Variants in GLCCI1 observed in about 807,000 individuals in gnomAD.
The protein encoded by GLCCI1 is glucocorticoid-induced transcript 1 protein.
GLCCI1 carries 24 observed loss-of-function variants against 52.2 expected under a neutral mutation model. That is an observed-to-expected ratio of 0.46 (90% CI 0.33 to 0.65). The LOEUF (loss-of-function observed/expected upper bound fraction) is 0.65, where lower values mean the gene tolerates loss of function less well. Ranked by LOEUF, GLCCI1 falls within the 30% of genes least tolerant of loss-of-function variation. The probability of loss-of-function intolerance (pLI) is 0.02; values close to 1 mark genes in which losing one functional copy is unlikely to be tolerated. For missense variants in GLCCI1, 704 were observed against 701.5 expected (o/e 1.00, Z -0.04); for synonymous variants, 310 against 276.5 (o/e 1.12, Z -1.20).
rs114776242 is a variant in GLCCI1 at position 8,049,890 on chromosome 7, A to C, written c.697-5543A>C. Reference sequence around the variant, plus strand: ...GGTACTTTGTTTTTGAGTTTTTCTCATCTGCAGTATAAATTTGAGGCATCA... The same window carrying C: ...GGTACTTTGTTTTTGAGTTTTTCTCCTCTGCAGTATAAATTTGAGGCATCA... On this transcript the variant is annotated intron_variant, in intron 3 of 7. Coordinates refer to ENST00000223145, the MANE Select transcript of GLCCI1 (RefSeq NM_138426.4). 9.2e-3 allele frequency among the ~76,000 whole-genome samples: 1,403 copies of C among 152,332 alleles called. 25 individuals carry two copies. The highest frequency in any genetic ancestry group is 0.031 in the African/African-American group (1,302 of 41,578).
chr7:8,086,374 G>T lies in GLCCI1; in HGVS notation c.1480G>T (p.Val494Phe). The T allele has an allele frequency of 6.2e-7, 1 of 1,614,110 alleles. No homozygotes were observed. Among genetic ancestry groups the T allele is most frequent in the Non-Finnish European group, 8.5e-7 (1 of 1,180,026 alleles). The change falls in exon 8 of 8, where the codon GTT (valine) becomes TTT (phenylalanine). Residue 494 changes from valine (V) to phenylalanine (F), a missense_variant. Physicochemically the swap from Val to Phe is conservative, Grantham distance 50. Around this residue, in one of 3 missense-constraint regions of GLCCI1, gnomAD observed 149 missense variants for 152.9 expected, o/e 0.97. Transcript: ENST00000223145. This position sits in a 1 kb window ranked among gnomAD's most constrained non-coding sequence, Gnocchi z 4.4. ...GAGCTCAGCTTTGGCAACTCTGACC[G>T]TTGAGCAGCTCTCATCCCGGGTTTC... is the stretch of plus-strand genomic sequence containing the variant. ...GQSSALATLT[V>F]EQLSSRVSFT...
chr7:8,041,872 A>C (rs1045059810), intron 3 of GLCCI1, among the ~76,000 whole-genome samples: 2 of 152,126 alleles, frequency 1.3e-5, no homozygotes, highest in Admixed American at 6.5e-5. Flanking sequence ...AATCACAAGT[A>C]TGAGCCACCA....
intron 1 of GLCCI1, among the ~76,000 whole-genome samples, chr7:7,997,037 CAAG>C (rs1780951049): frequency 1.3e-5 from 2 of 152,090 alleles, no homozygotes; most frequent in Non-Finnish European, 2.9e-5. Context: ...TTTTATATGT[CAAG>C]GAGGAAGACT....
chr7:7,981,099 T>C (rs774693544), intron 1 of GLCCI1: 13 of 468,416 alleles, frequency 2.8e-5, no homozygotes, highest in Non-Finnish European at 4.2e-5. Context: ...ATGCAGATAT[T>C]AAACCTCCGG....
At chr7:8,039,855 G>C (rs1466935081) in intron 3 of GLCCI1, among the ~76,000 whole-genome samples, 1 of 151,996 alleles carries the variant, frequency 6.6e-6, no homozygotes, top group Non-Finnish European at 1.5e-5. Flanking sequence ...AAATTAGCTT[G>C]GCATGGTAGC....
chr7:7,980,542 A>G, intron 1 of GLCCI1: 1 of 509,998 alleles, frequency 2.0e-6, no homozygotes, highest in Non-Finnish European at 3.5e-6. Flanking sequence ...GTATTTTATC[A>G]TACAAACTGT....
intron 1 of GLCCI1, among the ~76,000 whole-genome samples, chr7:7,997,914 G>T (rs894661679): frequency 6.7e-6 from 1 of 148,194 alleles, no homozygotes; most frequent in African/African-American, 2.5e-5. Context: ...GTGACAGAGT[G>T]AGACTCTGTC....
At chr7:8,065,913 A>G (rs889522905) in intron 5 of GLCCI1, among the ~76,000 whole-genome samples, 2 of 152,108 alleles carry the variant, frequency 1.3e-5, no homozygotes, top group African/African-American at 4.8e-5. Context: ...TGTTATCCTT[A>G]TAGAATTAGT....
intron 1 of GLCCI1, among the ~76,000 whole-genome samples, chr7:7,986,369 G>A (rs537882649): frequency 4.0e-3 from 330 of 83,522 alleles, no homozygotes; most frequent in African/African-American, 0.016. Context: ...AAAATTAGCC[G>A]GGAGCAGGGG....
intron 1 of GLCCI1, among the ~76,000 whole-genome samples, chr7:7,986,518 C>G (rs1255169372): frequency 2.3e-5 from 3 of 131,124 alleles, no homozygotes; most frequent in Admixed American, 7.5e-5. Context: ...GAGCGAGACT[C>G]TGACTCAAAA....
At chr7:7,980,470 A>G in intron 1 of GLCCI1, 1 of 314,260 alleles carries the variant, frequency 3.2e-6, no homozygotes, top group Non-Finnish European at 5.8e-6. Flanking sequence ...CGCCTGCTTT[A>G]ATTTCTTGAG....
At chr7:8,048,683 T>TG (rs1782190114) in intron 3 of GLCCI1, among the ~76,000 whole-genome samples, 1 of 152,220 alleles carries the variant, frequency 6.6e-6, no homozygotes, top group Admixed American at 6.5e-5. Context: ...GGTAACCTGT[T>TG]ACTCTTTCAT....
chr7:8,085,654 T>C, intron 7 of GLCCI1, among the ~76,000 whole-genome samples: 1 of 152,034 alleles, frequency 6.6e-6, no homozygotes, highest in East Asian at 1.9e-4. Context: ...GCTGATGGCT[T>C]AGCTCCTGGG....
At chr7:8,067,112 A>G (rs1584015735) in intron 5 of GLCCI1, among the ~76,000 whole-genome samples, 2 of 152,178 alleles carry the variant, frequency 1.3e-5, no homozygotes, top group Non-Finnish European at 2.9e-5. Context: ...TTCCTGTTGC[A>G]TTGAATCCTT....
chr7:7,973,867 AT>A (rs1780406791), intron 1 of GLCCI1, among the ~76,000 whole-genome samples: 1 of 151,920 alleles, frequency 6.6e-6, no homozygotes, highest in South Asian at 2.1e-4. Context: ...TTTTTAAGTC[AT>A]TTTTATACTG....
rs776475920 is a variant in GLCCI1, at chr7:8,004,045, G to A, written c.595G>A (p.Asp199Asn). The change falls in exon 2 of 8, where the codon GAC (aspartate) becomes AAC (asparagine). Residue 199 changes from aspartate to asparagine, a missense_variant. This residue lies in a region of GLCCI1 where 547 missense variants were observed against 524.8 expected (regional missense o/e 1.04). Transcript: ENST00000223145. ...PHVHYPSCMKDKATQTPSCWA... is the reference protein window; with the variant it reads ...PHVHYPSCMKNKATQTPSCWA... Reference sequence around the variant, plus strand: ...TGTTCACTACCCTTCATGCATGAAAGACAAAGCTACTCAGGTAAAATCAGG... The same window carrying A: ...TGTTCACTACCCTTCATGCATGAAAAACAAAGCTACTCAGGTAAAATCAGG... 1 of 1,612,782 alleles carries A rather than the reference G, an allele frequency of 6.2e-7. No homozygotes were observed. Among genetic ancestry groups the A allele is most frequent in the Non-Finnish European group, 8.5e-7 (1 of 1,179,268 alleles).
chr7:8,066,376 G>C (rs1438217195), intron 5 of GLCCI1, among the ~76,000 whole-genome samples: 6 of 151,896 alleles, frequency 4.0e-5, no homozygotes, highest in African/African-American at 7.3e-5. Context: ...TTGCATCTCA[G>C]TTTCTTTCAG....
chr7:8,086,298 C>G lies in GLCCI1; in HGVS notation c.1404C>G (p.Pro468=). 1 of 1,614,086 alleles carries G rather than the reference C, an allele frequency of 6.2e-7. No homozygotes were observed. The highest frequency in any genetic ancestry group is 8.5e-7 in the Non-Finnish European group (1 of 1,179,950). ...SAFCPVKLLG[P]LLPASDLMLK... Reference sequence around the variant, plus strand: ...TCTGTCCTGTAAAACTTCTAGGCCCCCTCTTACCTGCTTCTGACCTTATGC... The same window carrying G: ...TCTGTCCTGTAAAACTTCTAGGCCCGCTCTTACCTGCTTCTGACCTTATGC... The change falls in exon 8 of 8, where the codon CCC becomes CCG. Residue 468 remains proline (P), a synonymous_variant. Transcript: ENST00000223145. This position sits in a 1 kb window ranked among gnomAD's most constrained non-coding sequence, Gnocchi z 4.4.
intron 1 of GLCCI1, among the ~76,000 whole-genome samples, chr7:7,973,698 C>T (rs1164596112): frequency 6.6e-6 from 1 of 151,998 alleles, no homozygotes; most frequent in Non-Finnish European, 1.5e-5. Context: ...TTTGATTAGA[C>T]TTTTTCATGA....
Sources: gnomAD v4.1 joint callset for allele counts (sites outside exome capture counted in the v4.1 genomes callset) on GRCh38, gnomAD v4.1.1 for gene constraint, gnomAD v4.1.1 regional missense constraint, Gnocchi (gnomAD v3.1) non-coding constraint, MANE v1.5 for transcripts, NCBI Gene and HGNC (gene_info 2026-07-23, HGNC 2026-07-21) for gene names.